Variants in SDK2 observed in about 807,000 individuals in gnomAD.
SDK2 encodes the protein sidekick cell adhesion molecule 2.
Under a neutral mutation model 253.9 loss-of-function variants are expected in SDK2, and 105 were observed. The observed-to-expected ratio is 0.41, with a 90% CI of 0.35 to 0.49. The LOEUF (loss-of-function observed/expected upper bound fraction) is 0.49, where lower values mean the gene tolerates loss of function less well. Ranked by LOEUF, SDK2 falls within the 20% of genes least tolerant of loss-of-function variation. SDK2 has a pLI of 0.06. For missense variants in SDK2, 2,608 were observed against 3,003.0 expected (o/e 0.87, Z 3.07); for synonymous variants, 1,249 against 1,234.9 (o/e 1.01, Z -0.24).
intron 37 of SDK2, 91 bp downstream of exon 37, chr17:73,368,316 A>G: frequency 5.8e-6 from 7 of 1,212,308 alleles, no homozygotes; most frequent in Middle Eastern, 3.0e-4. Context: ...AGCTGCCCCC[A>G]TGCCTGCCAA....
At chr17:73,592,358 G>C (rs950156562) in intron 1 of SDK2, among the ~76,000 whole-genome samples, 2 of 152,254 alleles carry the variant, frequency 1.3e-5, no homozygotes, top group African/African-American at 2.4e-5. Context: ...AAATGTGTAA[G>C]AGCAGATTTT....
At chr17:73,470,613 T>G (rs961054685) in intron 3 of SDK2, among the ~76,000 whole-genome samples, 1 of 152,244 alleles carries the variant, frequency 6.6e-6, no homozygotes, top group East Asian at 1.9e-4. Context: ...TGAGTTGCCG[T>G]TAGTGCTGAT....
rs1450565565 is a variant in SDK2 at position 73,642,169 on chromosome 17, C to T, written c.64+1856G>A. ...TCAGCAGGAGGGGTGGGATCTTGGC[C>T]TCAAGTGGATGGCACAGGTGTGGAC... On this transcript the variant is annotated intron_variant, in intron 1 of 44. Coordinates refer to ENST00000392650, the MANE Select transcript of SDK2 (RefSeq NM_001144952.2). This position sits in a 1 kb window ranked among gnomAD's most constrained non-coding sequence, Gnocchi z 4.7. 6.6e-6 allele frequency among the ~76,000 whole-genome samples: 1 copy of T among 152,154 alleles called. No homozygotes were observed. The highest frequency in any genetic ancestry group is 1.9e-4 in the East Asian group (1 of 5,188).
At chr17:73,579,909 T>C (rs994073340) in intron 1 of SDK2, among the ~76,000 whole-genome samples, 2 of 147,240 alleles carry the variant, frequency 1.4e-5, no homozygotes, top group African/African-American at 2.6e-5. Context: ...ACCTGGGAGG[T>C]GGAGGTGGCA....
rs538338281 is a variant in SDK2, at chr17:73,462,908, C to T, written c.332-6855G>A. 5.9e-5 allele frequency among the ~76,000 whole-genome samples: 9 copies of T among 152,244 alleles called. No homozygotes were observed. The South Asian group carries it at 1.9e-3, about 32-fold the overall frequency. On this transcript the variant is annotated intron_variant, in intron 3 of 44. Coordinates refer to ENST00000392650, the MANE Select transcript of SDK2 (RefSeq NM_001144952.2). ...CCAGGGAGTTCCTTGTTGAGCAGGC[C>T]ATGGGTGAATGTATTTATACATACA... is the stretch of plus-strand genomic sequence containing the variant.
intron 15 of SDK2, among the ~76,000 whole-genome samples, chr17:73,419,557 GAT>G (rs991135207): frequency 5.9e-5 from 9 of 152,020 alleles, no homozygotes; most frequent in African/African-American, 2.2e-4. Context: ...TGTATATGTG[GAT>G]ATATGTATAT....
intron 22 of SDK2, 147 bp downstream of exon 22, chr17:73,399,021 T>C (rs1568382543): frequency 6.6e-6 from 5 of 754,414 alleles, no homozygotes; most frequent in East Asian, 5.4e-5. Context: ...GGAGACAACA[T>C]TGGCAAGTGT....
At chr17:73,547,744 T>G (rs2044988380) in intron 1 of SDK2, among the ~76,000 whole-genome samples, 2 of 152,210 alleles carry the variant, frequency 1.3e-5, no homozygotes, top group Non-Finnish European at 2.9e-5. Flanking sequence ...CTGGATGCTT[T>G]TTAGATTTTT....
chr17:73,597,264 G>C (rs2045773142), intron 1 of SDK2, among the ~76,000 whole-genome samples: 1 of 152,194 alleles, frequency 6.6e-6, no homozygotes, highest in South Asian at 2.1e-4. Context: ...ACAAGACGGG[G>C]AGCTGCCCTG....
intron 43 of SDK2, among the ~76,000 whole-genome samples, chr17:73,349,966 A>G (rs1429664183): frequency 6.6e-6 from 1 of 151,990 alleles, no homozygotes; most frequent in East Asian, 1.9e-4. Context: ...CACTGTCAGG[A>G]ACTCTTAGTA....
intron 4 of SDK2, among the ~76,000 whole-genome samples, chr17:73,450,613 T>C (rs2063484196): frequency 6.6e-6 from 1 of 151,950 alleles, no homozygotes; most frequent in Non-Finnish European, 1.5e-5. Flanking sequence ...CCAAGAAGGC[T>C]CCCACCTCCA....
chr17:73,484,275 C>G (rs976264661), intron 2 of SDK2, among the ~76,000 whole-genome samples: 8 of 152,184 alleles, frequency 5.3e-5, no homozygotes, highest in Non-Finnish European at 1.0e-4. Context: ...TGCATGGAAA[C>G]CAGGCTTCAG....
At chr17:73,410,823 A>G (rs2063119324) in intron 18 of SDK2, among the ~76,000 whole-genome samples, 1 of 152,152 alleles carries the variant, frequency 6.6e-6, no homozygotes, top group African/African-American at 2.4e-5. Flanking sequence ...CACTGACTGG[A>G]CCTGGGAATT....
At chr17:73,380,325 C>T (rs939189309) in intron 34 of SDK2, among the ~76,000 whole-genome samples, 1 of 152,142 alleles carries the variant, frequency 6.6e-6, no homozygotes, top group African/African-American at 2.4e-5. Context: ...CTATTTTCTC[C>T]TGAGCACGAA....
chr17:73,592,025 A>AG (rs1197235725), intron 1 of SDK2, among the ~76,000 whole-genome samples: 1 of 152,106 alleles, frequency 6.6e-6, no homozygotes, highest in Admixed American at 6.5e-5. Context: ...CACCCACATG[A>AG]GGGGGGAGTT....
intron 2 of SDK2, among the ~76,000 whole-genome samples, chr17:73,501,997 C>T (rs1165750669): frequency 6.6e-6 from 1 of 152,058 alleles, no homozygotes; most frequent in Non-Finnish European, 1.5e-5. Context: ...TTCACTCTGA[C>T]CCCAATGATG....
In SDK2 at chr17:73,368,442, C is replaced by T. The variant is rs772085587; in HGVS notation, c.5132G>A (p.Arg1711Gln). ...AAFNAAGDGP[R>Q]STPTQGQTQQ... ...GGTCTGGCCTTGGGTGGGGGTGCTC[C>T]GAGGCCCATCCCCAGCGGCGTTGAA... Residue 1711 changes from arginine to glutamine, a missense_variant, in exon 37 of 45, where the codon CGG becomes CAG. Arg to Gln is a conservative substitution (Grantham distance 43). Transcript: ENST00000392650. The T allele has an allele frequency of 1.8e-5, 29 of 1,598,302 alleles. No individual in the cohort carries two copies. The highest frequency in any genetic ancestry group is 1.1e-4 in the South Asian group (10 of 88,336).
At chr17:73,486,307 G>C (rs1196227855) in intron 2 of SDK2, among the ~76,000 whole-genome samples, 1 of 152,116 alleles carries the variant, frequency 6.6e-6, no homozygotes, top group Non-Finnish European at 1.5e-5. Context: ...TTGGTGGTGG[G>C]AGCAGTTAGG....
At chr17:73,410,443 C>G (rs2063116545) in intron 18 of SDK2, among the ~76,000 whole-genome samples, 1 of 152,122 alleles carries the variant, frequency 6.6e-6, no homozygotes, top group Non-Finnish European at 1.5e-5. Flanking sequence ...CCTCCTATGT[C>G]TGTAGCTGGG....
Sources: gnomAD v4.1 joint callset for allele counts (sites outside exome capture counted in the v4.1 genomes callset) on GRCh38, gnomAD v4.1.1 for gene constraint, Gnocchi (gnomAD v3.1) non-coding constraint, MANE v1.5 for transcripts, NCBI Gene and HGNC (gene_info 2026-07-23, HGNC 2026-07-21) for gene names.